The following SEC31A variants were observed in gnomAD, a reference collection of about 807,000 sequenced individuals.
The protein encoded by SEC31A is protein transport protein Sec31A.
In SEC31A, 70 loss-of-function variants were observed where a neutral mutation model predicts 151.0. The ratio of observed to expected loss-of-function variants is 0.46; its 90% CI spans 0.38 to 0.57. The LOEUF is 0.57. Ranked by LOEUF, SEC31A falls within the 20% of genes least tolerant of loss-of-function variation. SEC31A has a pLI of 0.00. For synonymous variants in SEC31A, 475 were observed against 505.9 expected (o/e 0.94, Z 0.82); for missense variants, 1,330 against 1,471.2 (o/e 0.90, Z 1.57).
At chr4:82,900,349 T>G (rs970748400) in exon 1 of SEC31A, 4 of 188,812 alleles carry the variant, frequency 2.1e-5, no homozygotes, top group Admixed American at 1.2e-4. Context: ...CCTCCCGATA[T>G]CCTCCAGTTT....
At chr4:82,891,179 G>A (rs1719685696), upstream of SEC31A, 2 of 1,535,028 alleles carry the variant, frequency 1.3e-6, no homozygotes, top group East Asian at 2.4e-5. Flanking sequence ...CCCCGGCCAG[G>A]GCCACCTCCA....
In SEC31A at chr4:82,880,798, C is replaced by A; in HGVS notation, c.203+1G>T. 6.2e-7 allele frequency: 1 copy of A among 1,608,632 alleles called. No homozygotes were observed. The highest frequency in any genetic ancestry group is 8.5e-7 in the Non-Finnish European group (1 of 1,177,560). On this transcript the variant is annotated splice_donor_variant, in intron 3 of 26. Transcript: ENST00000395310. LOFTEE classifies it high-confidence loss of function. ...CATGAATTTAAAGCTGAACCTCATACCTGTGAGAAGAGGAGAATGTGGCAC... is the reference window on the plus strand; with the variant it reads ...CATGAATTTAAAGCTGAACCTCATAACTGTGAGAAGAGGAGAATGTGGCAC...
chr4:82,888,621 G>A (rs1263485427), intron 1 of SEC31A, among the ~76,000 whole-genome samples: 1 of 151,734 alleles, frequency 6.6e-6, no homozygotes, highest in Non-Finnish European at 1.5e-5. Context: ...CCCAGGTGAC[G>A]GAGTTTGCAG....
intron 22 of SEC31A, among the ~76,000 whole-genome samples, chr4:82,829,773 T>G (rs1183326349): frequency 1.3e-5 from 2 of 151,778 alleles, no homozygotes; most frequent in African/African-American, 2.4e-5. Context: ...CACTAACAAA[T>G]CAAAAAGCCC....
chr4:82,855,494 A>G (rs1732430993), intron 16 of SEC31A, among the ~76,000 whole-genome samples: 1 of 152,220 alleles, frequency 6.6e-6, no homozygotes, highest in African/African-American at 2.4e-5. Flanking sequence ...AAGATAACCG[A>G]GGAGAGACTG....
intron 14 of SEC31A, among the ~76,000 whole-genome samples, chr4:82,859,791 ATT>A (rs11319185): frequency 0.03 from 4,277 of 140,282 alleles, 173 homozygotes; most frequent in African/African-American, 0.11. Context: ...GCATAAAAAT[ATT>A]TTTTTTTTTT....
chr4:82,899,574 G>A (rs2126007232), intron 3 of SEC31A: 1 of 152,438 alleles, frequency 6.6e-6, no homozygotes, highest in East Asian at 1.9e-4. Context: ...CATCCCCCAG[G>A]GACCAATTTT....
intron 1 of SEC31A, among the ~76,000 whole-genome samples, chr4:82,888,350 C>CAAAAAAAAAAAA (rs1177774222): frequency 7.6e-5 from 2 of 26,168 alleles, no homozygotes; most frequent in Non-Finnish European, 1.4e-4. Flanking sequence ...GACTCCGTCT[C>CAAAAAAAAAAAA]AAAAAAAAAA....
intron 1 of SEC31A, among the ~76,000 whole-genome samples, chr4:82,887,854 C>T (rs187184701): frequency 6.7e-6 from 1 of 148,672 alleles, no homozygotes; most frequent in African/African-American, 2.5e-5. Flanking sequence ...GTCAGGAGAT[C>T]GAGACCACGG....
rs1731444615 is a variant in SEC31A at position 82,851,508 on chromosome 4, T to C, written c.2251A>G (p.Ser751Gly). 6.2e-7 allele frequency: 1 copy of C among 1,614,040 alleles called. No homozygotes were observed. The highest frequency in any genetic ancestry group is 8.5e-7 in the Non-Finnish European group (1 of 1,179,998). ...GCTGCCAACAAATTGGCATACTGAC[T>C]CATCTTCGCAGCCAAGAGAACTCCT... ...TVGVLLAAKMSQYANLLAAQG... is the reference protein window; with the variant it reads ...TVGVLLAAKMGQYANLLAAQG... The change falls in exon 19 of 27, where the codon AGT becomes GGT. Residue 751 changes from serine (S) to glycine (G), a missense_variant. Coordinates refer to ENST00000395310, the MANE Select transcript of SEC31A (RefSeq NM_001077207.4).
chr4:82,878,627 GT>G, intron 4 of SEC31A, 102 bp downstream of exon 4: 1 of 949,398 alleles, frequency 1.1e-6, no homozygotes, highest in Admixed American at 2.3e-5. Context: ...TATAGCCACA[GT>G]TTTTTAACTT....
Position 82,819,010 on chromosome 4 carries a change from AT to A in SEC31A, c.*63del, listed in dbSNP as rs879874627. 0.012 allele frequency: 13,633 copies of A among 1,139,690 alleles called. 16 individuals are homozygous for A. The highest frequency in any genetic ancestry group is 0.013 in the Non-Finnish European group (10,840 of 833,550). The allele number at this position is 1,139,690 out of a possible 1,614,324, so 70.6% of individuals were successfully genotyped here. ...AATGAGGACTAGTCCATGTCTTATA[AT>A]TTTTTTTTTTAACATGTTTCTTTGG... On this transcript the variant is annotated 3_prime_UTR_variant, in exon 27 of 27. Transcript: ENST00000395310.
Position 82,819,001 on chromosome 4 carries a change from T to C in SEC31A, c.*73A>G, listed in dbSNP as rs1722767783. On this transcript the variant is annotated 3_prime_UTR_variant, in exon 27 of 27. Transcript: ENST00000395310. ...AAACATGCTAATGAGGACTAGTCCA[T>C]GTCTTATAATTTTTTTTTTTAACAT... 2.3e-6 allele frequency: 3 copies of C among 1,277,294 alleles called. No individual in the cohort carries two copies. Among genetic ancestry groups the C allele is most frequent in the South Asian group, 1.6e-5 (1 of 63,968 alleles). The allele number at this position is 1,277,294 out of a possible 1,614,324, so 79.1% of individuals were successfully genotyped here. A position where few individuals can be genotyped will look rare whatever the true frequency, so the allele number is the denominator to read the frequency against.
chr4:82,899,215 G>C (rs1720197635), intron 3 of SEC31A, among the ~76,000 whole-genome samples: 1 of 152,136 alleles, frequency 6.6e-6, no homozygotes. Context: ...AATATTTGGA[G>C]GTGCTGCTAG....
intron 9 of SEC31A, 90 bp downstream of exon 9, chr4:82,867,065 C>T (rs1207373199): frequency 1.3e-6 from 2 of 1,524,894 alleles, no homozygotes; most frequent in Non-Finnish European, 1.8e-6. Context: ...AATTAACCAG[C>T]ATTGTTAATC....
chr4:82,845,220 G>A (rs1353783159), intron 20 of SEC31A: 4 of 1,533,318 alleles, frequency 2.6e-6, no homozygotes, highest in Non-Finnish European at 3.5e-6. Context: ...AGAGGGAGAG[G>A]CTGCAGGTGG....
At chr4:82,878,217 T>C (rs1180656980) in intron 4 of SEC31A, among the ~76,000 whole-genome samples, 1 of 151,938 alleles carries the variant, frequency 6.6e-6, no homozygotes, top group Non-Finnish European at 1.5e-5. Context: ...ATTAGCCAGC[T>C]GGGCACAGTG....
intron 22 of SEC31A, among the ~76,000 whole-genome samples, chr4:82,837,660 A>T (rs1727736040): frequency 6.6e-6 from 1 of 152,328 alleles, no homozygotes; most frequent in East Asian, 1.9e-4. Flanking sequence ...TTCATTTAAA[A>T]AATAAATATA....
chr4:82,888,672 G>C (rs1465182566), intron 1 of SEC31A, among the ~76,000 whole-genome samples: 2 of 150,160 alleles, frequency 1.3e-5, no homozygotes, highest in Non-Finnish European at 2.9e-5. Flanking sequence ...CTGGGTGACA[G>C]AGCGAGGCTC....
Sources: allele counts gnomAD v4.1 joint callset (sites outside exome capture counted in the v4.1 genomes callset), GRCh38; gene constraint gnomAD v4.1.1; transcripts MANE v1.5; gene names NCBI Gene and HGNC (gene_info 2026-07-23, HGNC 2026-07-21).